Variants in CCDC18 observed in about 807,000 individuals in gnomAD.
The protein encoded by CCDC18 is coiled-coil domain containing 18.
A neutral mutation model predicts 196.0 loss-of-function variants in CCDC18; 157 were observed. The observed-to-expected ratio is 0.80, with a 90% CI of 0.70 to 0.91. The LOEUF (loss-of-function observed/expected upper bound fraction) is 0.91, where lower values mean the gene tolerates loss of function less well. CCDC18 is among the 40% of genes least tolerant of loss of function. CCDC18 has a pLI of 0.00. For synonymous variants in CCDC18, 482 were observed against 529.2 expected (o/e 0.91, Z 1.22); for missense variants, 1,465 against 1,611.6 (o/e 0.91, Z 1.56).
intron 9 of CCDC18, 44 bp downstream of exon 9, chr1:93,207,442 A>G (rs1163188862): frequency 2.1e-6 from 3 of 1,421,944 alleles, no homozygotes; most frequent in Non-Finnish European, 2.9e-6. Flanking sequence ...AATTTTACTA[A>G]AGTGTTTTAG....
chr1:93,271,750 T>C (rs1052583633), intron 28 of CCDC18, among the ~76,000 whole-genome samples: 1 of 152,208 alleles, frequency 6.6e-6, no homozygotes, highest in African/African-American at 2.4e-5. Context: ...TGTATTTGTC[T>C]CTTGAATATT....
intron 6 of CCDC18, 56 bp downstream of exon 6, chr1:93,193,800 C>A: frequency 1.5e-6 from 2 of 1,303,896 alleles, no homozygotes; most frequent in Non-Finnish European, 2.1e-6. Flanking sequence ...GGAAATATTA[C>A]CTATTTAAAA....
chr1:93,203,906 T>C (rs575120743), intron 7 of CCDC18, among the ~76,000 whole-genome samples: 1 of 152,092 alleles, frequency 6.6e-6, no homozygotes, highest in Non-Finnish European at 1.5e-5. Context: ...CAGGGAGTCA[T>C]TGGATACTTT....
At position 93,216,736 on chromosome 1, in the gene CCDC18, A is replaced by G; in HGVS notation, c.1820A>G (p.Gln607Arg). The change falls in exon 13 of 29, where the codon CAG (glutamine) becomes CGG (arginine). Residue 607 changes from glutamine to arginine, a missense_variant. Physicochemically the swap from Gln to Arg is conservative, Grantham distance 43. Transcript: ENST00000690025. ...GCTGCAAAAAATGCAGAACTAGAAC[A>G]GGAGCTTATGGTAAAACTTATCTTT... ...SIAAKNAELE[Q>R]ELMEKNEKIR... 1.3e-6 allele frequency: 2 copies of G among 1,536,226 alleles called. No individual in the cohort carries two copies. Among genetic ancestry groups the G allele is most frequent in the Non-Finnish European group, 1.8e-6 (2 of 1,128,048 alleles).
At chr1:93,244,391 C>T (rs900657314) in intron 21 of CCDC18, among the ~76,000 whole-genome samples, 7 of 152,138 alleles carry the variant, frequency 4.6e-5, no homozygotes, top group African/African-American at 1.7e-4. Flanking sequence ...ATTATTCAGT[C>T]ATAAAAACGA....
chr1:93,276,023 G>A (rs1406893281), intron 28 of CCDC18, among the ~76,000 whole-genome samples: 1 of 152,206 alleles, frequency 6.6e-6, no homozygotes, highest in African/African-American at 2.4e-5. Flanking sequence ...TTCGTCTAAA[G>A]GACTCTTAAG....
intron 4 of CCDC18, among the ~76,000 whole-genome samples, chr1:93,188,248 A>T (rs1651061977): frequency 6.6e-6 from 1 of 152,204 alleles, no homozygotes; most frequent in Non-Finnish European, 1.5e-5. Context: ...TGCAGAAATC[A>T]ATCAATATAT....
chr1:93,192,227 C>G (rs1651939601), intron 5 of CCDC18, 121 bp downstream of exon 5: 1 of 666,646 alleles, frequency 1.5e-6, no homozygotes, highest in African/African-American at 1.8e-5. Flanking sequence ...GTTCAGCTGT[C>G]TTAGAACTTG....
At chr1:93,215,575 G>A (rs1452771673) in intron 12 of CCDC18, among the ~76,000 whole-genome samples, 2 of 151,458 alleles carry the variant, frequency 1.3e-5, no homozygotes, top group Non-Finnish European at 2.9e-5. Context: ...TCCTGCCTCA[G>A]TCTTCCAAGT....
At position 93,193,691 on chromosome 1, in the gene CCDC18, G is replaced by A. The variant is rs1453388847; in HGVS notation, c.645G>A (p.Glu215=). The A allele has an allele frequency of 2.0e-5, 31 of 1,587,440 alleles. No individual in the cohort carries two copies. Among genetic ancestry groups the A allele is most frequent in the Non-Finnish European group, 2.5e-5 (29 of 1,169,676 alleles). ...AACAGAGTTTGCAGGAGTCCAAAGA[G>A]GAATGTATAAAATTAAAGGTGGACT... The part of the protein sequence containing the change: ...EKEQSLQESK[E]ECIKLKVDLL... Residue 215 remains glutamate, a synonymous_variant, in exon 6 of 29, where the codon GAG becomes GAA. Transcript: ENST00000690025.
chr1:93,231,135 C>T (rs1228336324), intron 17 of CCDC18, among the ~76,000 whole-genome samples: 6 of 152,120 alleles, frequency 3.9e-5, no homozygotes, highest in African/African-American at 1.4e-4. Flanking sequence ...TTAATGTTCA[C>T]CTGCTGGATA....
chr1:93,246,982 A>C, intron 23 of CCDC18, 28 bp downstream of exon 23: 1 of 947,910 alleles, frequency 1.1e-6, no homozygotes, highest in Non-Finnish European at 1.6e-6. Context: ...TACGTATTTT[A>C]AATTATTTTT....
At chr1:93,200,831 G>T (rs770338609) in intron 6 of CCDC18, among the ~76,000 whole-genome samples, 9 of 152,196 alleles carry the variant, frequency 5.9e-5, no homozygotes, top group Non-Finnish European at 1.2e-4. Flanking sequence ...AAGCGGATAA[G>T]TCTGGCTTGA....
At chr1:93,276,551 A>G (rs1478898878) in intron 28 of CCDC18, among the ~76,000 whole-genome samples, 1 of 152,200 alleles carries the variant, frequency 6.6e-6, no homozygotes, top group Non-Finnish European at 1.5e-5. Flanking sequence ...ATGCAGTAAG[A>G]TGAAAAATAA....
In CCDC18 at chr1:93,255,907, C is replaced by G. The variant is rs534990159; in HGVS notation, c.3343-428C>G. On this transcript the variant is annotated intron_variant, in intron 24 of 28. Coordinates refer to ENST00000690025, the MANE Select transcript of CCDC18 (RefSeq NM_001378204.1). ...CAGCCCCAGTGACAAGTTTTACTTT[C>G]ACAGAGAGTAAGACCTTAACCCAGC... Among the ~76,000 whole-genome samples the G allele has an allele frequency of 2.0e-5, 3 of 152,304 alleles. No individual in the cohort carries two copies. In the South Asian group the frequency reaches 6.2e-4, roughly 32 times the overall value.
intron 26 of CCDC18, 123 bp from the exon 27 acceptor site, chr1:93,264,576 CTA>C (rs1664241014): frequency 1.7e-6 from 1 of 584,218 alleles, no homozygotes. Context: ...ATGTTTGTAA[CTA>C]TAAACAGAAT....
intron 21 of CCDC18, among the ~76,000 whole-genome samples, chr1:93,245,409 C>G (rs1413875147): frequency 6.6e-6 from 1 of 152,112 alleles, no homozygotes; most frequent in Non-Finnish European, 1.5e-5. Context: ...GTACCCTTAT[C>G]AGTACTATTT....
chr1:93,246,726 CTAA>C (rs1313898031), intron 22 of CCDC18, 109 bp from the exon 23 acceptor site: 2 of 591,860 alleles, frequency 3.4e-6, no homozygotes, highest in East Asian at 3.0e-5. Context: ...ATTAGCTATA[CTAA>C]TGAGTTTATA....
At chr1:93,266,345 A>G (rs1393730708) in intron 27 of CCDC18, among the ~76,000 whole-genome samples, 1 of 152,246 alleles carries the variant, frequency 6.6e-6, no homozygotes, top group Non-Finnish European at 1.5e-5. Context: ...AAAGCAGGAA[A>G]GATCTAAAAT....
Sources: gnomAD v4.1 joint callset for allele counts (sites outside exome capture counted in the v4.1 genomes callset) on GRCh38, gnomAD v4.1.1 for gene constraint, MANE v1.5 for transcripts, NCBI Gene and HGNC (gene_info 2026-07-23, HGNC 2026-07-21) for gene names.